DLG2: variants seen among roughly 807,000 people sequenced by gnomAD.
DLG2 encodes discs large MAGUK scaffold protein 2, also known as disks large homolog 2.
Under a neutral mutation model 132.5 loss-of-function variants are expected in DLG2, and 45 were observed. That is an observed-to-expected ratio of 0.34 (90% CI 0.27 to 0.44). DLG2 has a LOEUF of 0.44. DLG2 is among the 20% of genes least tolerant of loss of function. DLG2 has a pLI of 1.00. For missense variants in DLG2, 1,045 were observed against 1,196.9 expected, an observed-to-expected ratio of 0.87 and a Z score of 1.87; for synonymous variants, 424 against 419.6, an observed-to-expected ratio of 1.01 and a Z score of -0.13.
At chr11:84,300,339 T>C (rs529854884) in intron 7 of DLG2, among the ~76,000 whole-genome samples, 9 of 152,234 alleles carry the variant, frequency 5.9e-5, no homozygotes, top group Non-Finnish European at 1.2e-4. Flanking sequence ...AATTTAATCT[T>C]GCTCACTTAT....
chr11:85,562,681 C>T (rs1178966165), intron 3 of DLG2, among the ~76,000 whole-genome samples: 1 of 151,526 alleles, frequency 6.6e-6, no homozygotes, highest in African/African-American at 2.4e-5. Context: ...TGTCTCATGC[C>T]TTTCATCAAA....
chr11:84,424,221 A>C (rs1463014067), intron 7 of DLG2, among the ~76,000 whole-genome samples: 1 of 152,162 alleles, frequency 6.6e-6, no homozygotes, highest in Non-Finnish European at 1.5e-5. Context: ...AGTACTGCTC[A>C]GTGACAGTGA....
chr11:85,595,550 A>G (rs1234864003), intron 3 of DLG2, among the ~76,000 whole-genome samples: 1 of 151,928 alleles, frequency 6.6e-6, no homozygotes, highest in Non-Finnish European at 1.5e-5. Context: ...TATTTTTTGC[A>G]TTTGGTTTGG....
chr11:84,044,458 G>C (rs189665893), intron 11 of DLG2, among the ~76,000 whole-genome samples: 81 of 151,748 alleles, frequency 5.3e-4, no homozygotes, highest in Non-Finnish European at 1.1e-3. Context: ...CCCACGCCAA[G>C]TTACAGTGGG....
intron 18 of DLG2, among the ~76,000 whole-genome samples, chr11:83,638,440 T>C (rs903748889): frequency 5.3e-5 from 8 of 152,318 alleles, no homozygotes; most frequent in Non-Finnish European, 1.0e-4. Flanking sequence ...TCAAGATCTG[T>C]TGAGAAGATT....
chr11:84,273,938 A>G (rs2097761125), intron 7 of DLG2, among the ~76,000 whole-genome samples: 1 of 152,212 alleles, frequency 6.6e-6, no homozygotes, highest in Admixed American at 6.5e-5. Context: ...AAGAGTAACT[A>G]GAAGAACTTT....
At chr11:83,643,128 T>C (rs985305857) in intron 18 of DLG2, among the ~76,000 whole-genome samples, 11 of 152,296 alleles carry the variant, frequency 7.2e-5, no homozygotes, top group Middle Eastern at 3.4e-3. Flanking sequence ...ACAGTATAAA[T>C]AGAAAGCGGT....
chr11:85,388,893 T>A (rs1416278416), intron 3 of DLG2, among the ~76,000 whole-genome samples: 1 of 152,040 alleles, frequency 6.6e-6, no homozygotes, highest in Non-Finnish European at 1.5e-5. Context: ...AGTCTACTCA[T>A]AAGAAGAAAC....
intron 6 of DLG2, among the ~76,000 whole-genome samples, chr11:84,574,861 T>A (rs1489282789): frequency 2.0e-5 from 3 of 152,178 alleles, no homozygotes; most frequent in African/African-American, 4.8e-5. Context: ...CTGGGCATTA[T>A]CTGACTTTTC....
At chr11:85,171,373 C>T (rs552559449) in intron 4 of DLG2, among the ~76,000 whole-genome samples, 56 of 152,256 alleles carry the variant, frequency 3.7e-4, no homozygotes, top group African/African-American at 1.3e-3. Context: ...TCTGGGAAAC[C>T]ATGGTTTCCC....
At chr11:83,671,010 T>G (rs1297556616) in intron 18 of DLG2, among the ~76,000 whole-genome samples, 1 of 152,202 alleles carries the variant, frequency 6.6e-6, no homozygotes, top group Non-Finnish European at 1.5e-5. Flanking sequence ...ACACGTACAT[T>G]TCTTTGTACA....
intron 3 of DLG2, among the ~76,000 whole-genome samples, chr11:85,509,732 T>C (rs1353357161): frequency 2.6e-5 from 4 of 151,968 alleles, no homozygotes; most frequent in Admixed American, 6.6e-5. Context: ...TGATACATAG[T>C]GAACGAAAAT....
intron 8 of DLG2, among the ~76,000 whole-genome samples, chr11:84,243,017 C>CTCTCTCTCTCTCTCTCTCTCTA (rs542476924): frequency 2.0e-4 from 29 of 142,194 alleles, no homozygotes; most frequent in East Asian, 1.2e-3. Context: ...CTCTCTCTCT[C>CTCTCTCTCTCTCTCTCTCTCTA]TATATATATA....
chr11:84,048,447 G>A (rs1225703016), intron 11 of DLG2, among the ~76,000 whole-genome samples: 3 of 151,544 alleles, frequency 2.0e-5, no homozygotes, highest in African/African-American at 4.8e-5. Context: ...TTTGCTATTC[G>A]TGCTTATTGA....
intron 6 of DLG2, among the ~76,000 whole-genome samples, chr11:85,033,092 A>G (rs1709951778): frequency 6.6e-6 from 1 of 152,238 alleles, no homozygotes; most frequent in Non-Finnish European, 1.5e-5. Context: ...CTTTGGTGCA[A>G]AAAGTTCCCA....
At chr11:85,239,183 A>C (rs1263745695) in intron 4 of DLG2, among the ~76,000 whole-genome samples, 1 of 152,002 alleles carries the variant, frequency 6.6e-6, no homozygotes, top group East Asian at 1.9e-4. Context: ...TTAAGCAGAA[A>C]CTCACAACAC....
chr11:84,960,429 A>G (rs1020587399), intron 6 of DLG2, among the ~76,000 whole-genome samples: 1 of 151,252 alleles, frequency 6.6e-6, no homozygotes, highest in Non-Finnish European at 1.5e-5. Flanking sequence ...CAAAATGTAA[A>G]TTCTTTTAAC....
At chr11:85,264,710 T>G (rs2152722839) in intron 4 of DLG2, among the ~76,000 whole-genome samples, 1 of 152,220 alleles carries the variant, frequency 6.6e-6, no homozygotes, top group East Asian at 1.9e-4. Flanking sequence ...GAGTGTAGTC[T>G]TCTCAGACTA....
rs533890983 is a variant in DLG2 at position 83,540,727 on chromosome 11, A to G, written c.2117+955T>C. On this transcript the variant is annotated intron_variant, in intron 20 of 27. Coordinates refer to ENST00000376104, the MANE Select transcript of DLG2 (RefSeq NM_001142699.3). ...ACTTGAATGCCCAGCTTCACTGGGA[A>G]TATTTTACAAAGGCATTTTGGGTGT... 1.4e-3 allele frequency among the ~76,000 whole-genome samples: 211 copies of G among 152,362 alleles called. 1 individual carries two copies. The highest frequency in any genetic ancestry group is 0.014 in the Middle Eastern group (4 of 294).
Sources: gnomAD v4.1 joint callset for allele counts (sites outside exome capture counted in the v4.1 genomes callset) on GRCh38, gnomAD v4.1.1 for gene constraint, MANE v1.5 for transcripts, NCBI Gene and HGNC (gene_info 2026-07-23, HGNC 2026-07-21) for gene names.